Variants in COLEC11 observed in about 807,000 individuals in gnomAD.
COLEC11 encodes collectin-11.
Under a neutral mutation model 27.3 loss-of-function variants are expected in COLEC11, and 20 were observed. That is an observed-to-expected ratio of 0.73 (90% CI 0.51 to 1.06). The LOEUF (loss-of-function observed/expected upper bound fraction) is 1.06, where lower values mean the gene tolerates loss of function less well. Ranked by LOEUF, COLEC11 falls within the 50% of genes least tolerant of loss-of-function variation. The pLI, the probability that COLEC11 is intolerant of heterozygous loss-of-function variation, is 0.00. For synonymous variants in COLEC11, 163 were observed against 154.7 expected (o/e 1.05, Z -0.40); for missense variants, 310 against 383.0 (o/e 0.81, Z 1.59).
intron 3 of COLEC11, among the ~76,000 whole-genome samples, chr2:3,630,507 T>C (rs930282771): frequency 3.3e-5 from 5 of 152,210 alleles, no homozygotes; most frequent in African/African-American, 9.7e-5. Context: ...TTTTTTACAT[T>C]GTTTACTGAA....
intron 3 of COLEC11, among the ~76,000 whole-genome samples, chr2:3,620,700 A>G (rs1430860269): frequency 1.3e-5 from 2 of 152,066 alleles, no homozygotes; most frequent in Non-Finnish European, 2.9e-5. Flanking sequence ...ATTTCCTCTT[A>G]GAATATCTTT....
Position 3,635,480 on chromosome 2 carries a change from G to A in COLEC11, c.203-2053G>A, listed in dbSNP as rs147717840. ...CAACCCTCCACATCTCCTGCAGCAC[G>A]GAGATGCACCACACCCTCTCCGATG... is the stretch of plus-strand genomic sequence containing the variant. On this transcript the variant is annotated intron_variant, in intron 3 of 6. Transcript: ENST00000349077. Among the ~76,000 whole-genome samples the A allele has an allele frequency of 1.1e-4, 16 of 152,286 alleles. No homozygotes were observed. In the East Asian group the frequency reaches 2.9e-3, roughly 28 times the overall value.
chr2:3,603,581 T>A (rs1176288491), intron 1 of COLEC11: 1 of 1,510,032 alleles, frequency 6.6e-7, no homozygotes, highest in Non-Finnish European at 9.0e-7. Flanking sequence ...CCTCCCAAAG[T>A]GCTGGAATTA....
chr2:3,631,819 G>A (rs113237118), intron 3 of COLEC11, among the ~76,000 whole-genome samples: 2 of 152,150 alleles, frequency 1.3e-5, no homozygotes, highest in African/African-American at 4.8e-5. Flanking sequence ...CCTGCCTCCT[G>A]GGCTTGGGAG....
chr2:3,623,284 A>G (rs963368537), intron 3 of COLEC11, among the ~76,000 whole-genome samples: 3 of 152,020 alleles, frequency 2.0e-5, no homozygotes, highest in Non-Finnish European at 2.9e-5. Flanking sequence ...TGTGGGTTGA[A>G]CCTATTTGGA....
chr2:3,617,548 C>T (rs11892595), intron 3 of COLEC11: 1,152,823 of 1,586,902 alleles, frequency 0.73, 417,886 homozygotes, highest in South Asian at 0.83. Flanking sequence ...GCACGCCTCA[C>T]TACGATTTGC....
chr2:3,602,319 T>C lies in COLEC11; in HGVS notation c.-26-1996T>C, dbSNP rs1662290634. Among the ~76,000 whole-genome samples, 1 of 152,200 alleles carries C rather than the reference T, an allele frequency of 6.6e-6. No individual in the cohort carries two copies. Among genetic ancestry groups the C allele is most frequent in the Non-Finnish European group, 1.5e-5 (1 of 68,040 alleles). ...CACTGGGTCACATAGGAGTCTATAG[T>C]GTCTCAGACTCGGAAAGTTGAACCC... On this transcript the variant is annotated intron_variant, in intron 1 of 6. Coordinates refer to ENST00000349077, the MANE Select transcript of COLEC11 (RefSeq NM_024027.5). This position sits in a 1 kb window ranked among gnomAD's most constrained non-coding sequence, Gnocchi z 6.2.
intron 2 of COLEC11, chr2:3,606,274 G>A (rs993955571): frequency 6.5e-7 from 1 of 1,537,144 alleles, no homozygotes; most frequent in African/African-American, 1.4e-5. Context: ...GGGGCCGTGG[G>A]GTGGGCTCCA....
intron 1 of COLEC11, among the ~76,000 whole-genome samples, chr2:3,596,578 C>T (rs1661855412): frequency 6.6e-6 from 1 of 152,166 alleles, no homozygotes; most frequent in Non-Finnish European, 1.5e-5. Context: ...ACCAGGTGAT[C>T]TGCCCACCTT....
chr2:3,623,118 C>G (rs1664295880), intron 3 of COLEC11, among the ~76,000 whole-genome samples: 1 of 152,146 alleles, frequency 6.6e-6, no homozygotes, highest in Admixed American at 6.5e-5. Flanking sequence ...ATCCCACTTT[C>G]TCCTGGCCTG....
chr2:3,634,823 T>A (rs1665267162), intron 3 of COLEC11, among the ~76,000 whole-genome samples: 2 of 151,882 alleles, frequency 1.3e-5, no homozygotes, highest in African/African-American at 4.8e-5. Flanking sequence ...CCCCCTCTGG[T>A]GTGGGGGCCC....
chr2:3,623,902 T>C (rs933595285), intron 3 of COLEC11, among the ~76,000 whole-genome samples: 3 of 152,352 alleles, frequency 2.0e-5, no homozygotes, highest in Admixed American at 2.0e-4. Context: ...AGTCTTGCAT[T>C]GCTGTTTTCT....
intron 3 of COLEC11, among the ~76,000 whole-genome samples, chr2:3,619,511 G>A (rs1345597767): frequency 1.3e-5 from 2 of 152,170 alleles, no homozygotes; most frequent in African/African-American, 4.8e-5. Flanking sequence ...CGTTCTTTCA[G>A]CATCTACTGA....
chr2:3,606,149 T>C lies in COLEC11; in HGVS notation c.130+1679T>C, dbSNP rs1301542344. 2.6e-6 allele frequency: 4 copies of C among 1,550,440 alleles called. No homozygotes were observed. In the African/African-American group the frequency reaches 4.1e-5, roughly 16 times the overall value. On this transcript the variant is annotated intron_variant, in intron 2 of 6. Coordinates refer to ENST00000349077, the MANE Select transcript of COLEC11 (RefSeq NM_024027.5). ...AGCTTTAGGTTGGAAACGGTGGCTGTGGAGAGCTGGACTTTTGGCTGTGGA... is the reference window on the plus strand; with the variant it reads ...AGCTTTAGGTTGGAAACGGTGGCTGCGGAGAGCTGGACTTTTGGCTGTGGA...
chr2:3,614,257 C>T (rs1480872058), intron 3 of COLEC11, among the ~76,000 whole-genome samples: 1 of 152,052 alleles, frequency 6.6e-6, no homozygotes, highest in Non-Finnish European at 1.5e-5. Context: ...TCTAGAAATG[C>T]TTTCTCAGTA....
At chr2:3,616,536 C>G (rs1047395131) in intron 3 of COLEC11, among the ~76,000 whole-genome samples, 6 of 152,244 alleles carry the variant, frequency 3.9e-5, no homozygotes, top group Non-Finnish European at 8.8e-5. Context: ...GCTGGCAGAT[C>G]ACTCCCGGTT....
intron 6 of COLEC11, 30 bp from the exon 7 acceptor site, chr2:3,643,697 C>T: frequency 6.2e-7 from 1 of 1,613,366 alleles, no homozygotes; most frequent in South Asian, 1.1e-5. Flanking sequence ...CATACAAGTG[C>T]TCACTTTTCA....
At chr2:3,606,219 G>T (rs998407012) in intron 2 of COLEC11, 39 of 1,550,378 alleles carry the variant, frequency 2.5e-5, no homozygotes, top group Non-Finnish European at 3.1e-5. Context: ...GAGTCCCTAC[G>T]GTTGTCTTCC....
rs373093533 is a variant in COLEC11 at position 3,613,840 on chromosome 2, C to T, written c.202+458C>T. 3.0e-4 allele frequency among the ~76,000 whole-genome samples: 45 copies of T among 152,252 alleles called. No individual in the cohort carries two copies. In the South Asian group the frequency reaches 5.2e-3, roughly 18 times the overall value. ...CGAGGCTCATGGGAGCTAGATCATA[C>T]GTGTAAAGGAAATGTATCATGTGTA... On this transcript the variant is annotated intron_variant, in intron 3 of 6. Transcript: ENST00000349077.
Sources: allele counts gnomAD v4.1 joint callset (sites outside exome capture counted in the v4.1 genomes callset), GRCh38; gene constraint gnomAD v4.1.1; non-coding constraint Gnocchi (gnomAD v3.1); transcripts MANE v1.5; gene names NCBI Gene and HGNC (gene_info 2026-07-23, HGNC 2026-07-21).